Variants in P2RY10 observed in about 807,000 individuals in gnomAD.
P2RY10 encodes P2Y receptor family member 10.
A neutral mutation model predicts 12.1 loss-of-function variants in P2RY10; 4 were observed. That is an observed-to-expected ratio of 0.33 (90% CI 0.16 to 0.76). The LOEUF is 0.76. Ranked by LOEUF, P2RY10 falls within the 30% of genes least tolerant of loss-of-function variation. The pLI is 0.61. For missense variants in P2RY10, 233 were observed against 264.6 expected (o/e 0.88, Z 0.83); for synonymous variants, 112 against 94.1 (o/e 1.19, Z -1.10).
intron 2 of P2RY10, among the ~76,000 whole-genome samples, chrX:78,950,733 G>A (rs1922068319): frequency 9.0e-6 from 1 of 111,623 alleles, no homozygotes; most frequent in Admixed American, 9.5e-5. Context: ...TTATCTCTGA[G>A]GAACAGTCTT....
At chrX:78,960,359 A>G in intron 3 of P2RY10, 149 bp from the exon 4 acceptor site, 1 of 487,489 alleles carries the variant, frequency 2.1e-6, no homozygotes, top group Non-Finnish European at 3.4e-6. Flanking sequence ...TCAGTACTAT[A>G]TTTTCCTTGA....
At position 78,963,582 on chromosome X, in the gene P2RY10, TTTATGGAA is replaced by T. The variant is rs1186585931; in HGVS notation, c.*2044_*2051del. Reference sequence around the variant, plus strand: ...AAAAGGTAGTGCTTCAAGCACAGGATTTATGGAATAGTTGGCAAATTAAACAACATGCT... The same window carrying T: ...AAAAGGTAGTGCTTCAAGCACAGGATTAGTTGGCAAATTAAACAACATGCT... On this transcript the variant is annotated 3_prime_UTR_variant, in exon 4 of 4. Transcript: ENST00000171757. 8.9e-6 allele frequency among the ~76,000 whole-genome samples: 1 copy of T among 112,787 alleles called. No homozygotes were observed. Among genetic ancestry groups the T allele is most frequent in the Non-Finnish European group, 1.9e-5 (1 of 53,368 alleles).
In P2RY10 at chrX:78,962,930, A is replaced by G. The variant is rs980882228; in HGVS notation, c.*1390A>G. ...TTTTAAGAAGATTTCTGTGAGCGTA[A>G]TTGACAATATCTGCATTAGAAACAG... On this transcript the variant is annotated 3_prime_UTR_variant, in exon 4 of 4. Transcript: ENST00000171757. Among the ~76,000 whole-genome samples the G allele has an allele frequency of 8.9e-6, 1 of 112,388 alleles. No homozygotes were observed. Among genetic ancestry groups the G allele is most frequent in the East Asian group, 2.8e-4 (1 of 3,632 alleles).
At chrX:78,949,373 T>C (rs1481024850) in intron 2 of P2RY10, among the ~76,000 whole-genome samples, 1 of 112,123 alleles carries the variant, frequency 8.9e-6, no homozygotes, top group Non-Finnish European at 1.9e-5. Flanking sequence ...TTCAGACACA[T>C]TTTTCTTTAA....
chrX:78,952,288 C>A lies in P2RY10; in HGVS notation c.-61C>A, dbSNP rs1922140747. 1 of 749,933 alleles carries A rather than the reference C, an allele frequency of 1.3e-6. No individual in the cohort carries two copies. Among genetic ancestry groups the A allele is most frequent in the South Asian group, 6.8e-5 (1 of 14,602 alleles). 61.8% of individuals were successfully genotyped at this position (749,933 alleles called of 1,213,427 possible). ...AGGCATCTCTTTTAATGGTCCTGAC[C>A]TTTGGAATAGGAAGCATGTACCCTG... On this transcript the variant is annotated 5_prime_UTR_variant, in exon 3 of 4. Coordinates refer to ENST00000171757, the MANE Select transcript of P2RY10 (RefSeq NM_014499.4).
intron 3 of P2RY10, among the ~76,000 whole-genome samples, chrX:78,954,920 TCAGA>T (rs1313822612): frequency 1.8e-5 from 2 of 111,952 alleles, no homozygotes; most frequent in African/African-American, 6.5e-5. Context: ...AATCGATAAT[TCAGA>T]CAAAGTGAGG....
chrX:78,950,061 C>T (rs1007056679), intron 2 of P2RY10, among the ~76,000 whole-genome samples: 2 of 111,989 alleles, frequency 1.8e-5, no homozygotes, highest in African/African-American at 6.5e-5. Context: ...ATTTTTTCTT[C>T]CCCTCCCAGG....
At chrX:78,956,595 C>T (rs1922345514) in intron 3 of P2RY10, among the ~76,000 whole-genome samples, 1 of 109,501 alleles carries the variant, frequency 9.1e-6, no homozygotes, top group Non-Finnish European at 1.9e-5. Context: ...AAAAAAAAAC[C>T]CTAAATTACA....
intron 3 of P2RY10, among the ~76,000 whole-genome samples, chrX:78,955,914 G>A (rs1922314338): frequency 9.0e-6 from 1 of 111,265 alleles, no homozygotes; most frequent in African/African-American, 3.3e-5. Context: ...GGGCTTTAAA[G>A]CAGCCAAAGT....
Position 78,952,264 on chromosome X carries a change from G to A in P2RY10, c.-85G>A. The A allele has an allele frequency of 1.3e-6, 1 of 747,535 alleles. No homozygotes were observed. Among genetic ancestry groups the A allele is most frequent in the Non-Finnish European group, 1.6e-6 (1 of 633,285 alleles). The allele number at this position is 747,535 out of a possible 1,213,427, so 61.6% of individuals were successfully genotyped here. Reference sequence around the variant, plus strand: ...AACATACCCTTCTTTCAAGTGAAAAGGCATCTCTTTTAATGGTCCTGACCT... The same window carrying A: ...AACATACCCTTCTTTCAAGTGAAAAAGCATCTCTTTTAATGGTCCTGACCT... On this transcript the variant is annotated 5_prime_UTR_variant, in exon 3 of 4. Transcript: ENST00000171757.
chrX:78,959,639 G>A (rs1169968810), intron 3 of P2RY10, among the ~76,000 whole-genome samples: 3 of 111,668 alleles, frequency 2.7e-5, no homozygotes, highest in African/African-American at 9.8e-5. Flanking sequence ...CTTCAAAAAT[G>A]GTTTCAGTGG....
chrX:78,949,663 G>C (rs184395537), intron 2 of P2RY10, among the ~76,000 whole-genome samples: 2 of 112,066 alleles, frequency 1.8e-5, no homozygotes, highest in Admixed American at 1.9e-4. Flanking sequence ...TTTTGTTAAT[G>C]GTCTAATTGC....
chrX:78,949,848 G>C (rs1265795780), intron 2 of P2RY10, among the ~76,000 whole-genome samples: 15 of 111,833 alleles, frequency 1.3e-4, no homozygotes, highest in Non-Finnish European at 3.8e-5. Context: ...CTACTCTTTG[G>C]TTCTGGTTGT....
chrX:78,959,242 C>A lies in P2RY10; in HGVS notation c.-13-1266C>A, dbSNP rs772836457. On this transcript the variant is annotated intron_variant, in intron 3 of 3. Transcript: ENST00000171757. ...TGTGCATGGAAGCAAGGTCCCTTGTCCTCCCATTTCGAGTCTCAGATCTTC... is the reference window on the plus strand; with the variant it reads ...TGTGCATGGAAGCAAGGTCCCTTGTACTCCCATTTCGAGTCTCAGATCTTC... Among the ~76,000 whole-genome samples, 3 of 111,188 alleles carry A rather than the reference C, an allele frequency of 2.7e-5. No individual in the cohort carries two copies. The South Asian group carries it at 1.1e-3, about 42-fold the overall frequency.
Position 78,960,250 on chromosome X carries a change from A to G in P2RY10, c.-13-258A>G, listed in dbSNP as rs377698736. On this transcript the variant is annotated intron_variant, in intron 3 of 3. Coordinates refer to ENST00000171757, the MANE Select transcript of P2RY10 (RefSeq NM_014499.4). The stretch of plus-strand genomic sequence containing the variant: ...AATAAAAGATTTAACATTTCAAGAC[A>G]TCTTAGCCTGCAAAATACAACTTAG... Among the ~76,000 whole-genome samples the G allele has an allele frequency of 1.4e-4, 16 of 112,288 alleles. No individual in the cohort carries two copies. The East Asian group carries it at 2.5e-3, about 18-fold the overall frequency.
chrX:78,953,738 G>A (rs1258399938), intron 3 of P2RY10, among the ~76,000 whole-genome samples: 1 of 111,947 alleles, frequency 8.9e-6, no homozygotes, highest in Non-Finnish European at 1.9e-5. Flanking sequence ...TCAGTCACAG[G>A]CAAACCTCAA....
At chrX:78,957,733 T>G (rs1374566970) in intron 3 of P2RY10, among the ~76,000 whole-genome samples, 1 of 111,348 alleles carries the variant, frequency 9.0e-6, no homozygotes. Flanking sequence ...GCCATGCAAA[T>G]CTCTACGCTC....
chrX:78,957,817 G>C (rs773446756), intron 3 of P2RY10, among the ~76,000 whole-genome samples: 1 of 112,308 alleles, frequency 8.9e-6, no homozygotes, highest in African/African-American at 3.2e-5. Flanking sequence ...TTGACCTCTA[G>C]CTTGCTGTTC....
rs780924030 is a variant in P2RY10 at position 78,945,972 on chromosome X, T to C, written c.-206+477T>C. Among the ~76,000 whole-genome samples the C allele has an allele frequency of 1.5e-4, 17 of 111,803 alleles. No individual in the cohort carries two copies. In the East Asian group the frequency reaches 4.8e-3, roughly 31 times the overall value. The stretch of plus-strand genomic sequence containing the variant: ...CTTTCAGAGATACTGAGACAAATAG[T>C]AGAAAGCAGGGTAATAGATTCTGGG... On this transcript the variant is annotated intron_variant, in intron 1 of 3. Coordinates refer to ENST00000171757, the MANE Select transcript of P2RY10 (RefSeq NM_014499.4).
Sources: gnomAD v4.1 joint callset for allele counts (sites outside exome capture counted in the v4.1 genomes callset) on GRCh38, gnomAD v4.1.1 for gene constraint, MANE v1.5 for transcripts, NCBI Gene and HGNC (gene_info 2026-07-23, HGNC 2026-07-21) for gene names.